NFAT5: variants seen among roughly 807,000 people sequenced by gnomAD.
NFAT5 encodes nuclear factor of activated T cells 5.
NFAT5 carries 31 observed loss-of-function variants against 166.5 expected under a neutral mutation model. That is an observed-to-expected ratio of 0.19 (90% CI 0.14 to 0.25). The LOEUF is 0.25. NFAT5 is among the 10% of genes least tolerant of loss of function. The pLI, the probability that NFAT5 is intolerant of heterozygous loss-of-function variation, is 1.00. For synonymous variants in NFAT5, 612 were observed against 639.7 expected (o/e 0.96, Z 0.65); for missense variants, 1,449 against 1,821.8 (o/e 0.80, Z 3.72).
intron 2 of NFAT5, among the ~76,000 whole-genome samples, chr16:69,581,517 CAA>C: frequency 6.6e-6 from 1 of 152,184 alleles, no homozygotes. Flanking sequence ...AAGAAACTGC[CAA>C]ACTGCTTTCC....
intron 2 of NFAT5, among the ~76,000 whole-genome samples, chr16:69,594,485 A>C (rs896696025): frequency 6.6e-6 from 1 of 152,182 alleles, no homozygotes; most frequent in African/African-American, 2.4e-5. Context: ...ATGTCCCAGC[A>C]CCATTGCTGA....
Position 69,692,819 on chromosome 16 carries a change from C to T in NFAT5, c.2994C>T (p.Thr998=). The change falls in exon 13 of 15, where the codon ACC becomes ACT. Residue 998 remains threonine, a synonymous_variant. Coordinates refer to ENST00000349945, the MANE Select transcript of NFAT5 (RefSeq NM_138713.4). ...TTQQVATPGT[T]MFQTSSSGDG... The stretch of plus-strand genomic sequence containing the variant: ...AGCAGGTTGCAACCCCTGGCACTAC[C>T]ATGTTTCAGACATCAAGTTCAGGAG... 1 of 1,614,178 alleles carries T rather than the reference C, an allele frequency of 6.2e-7. No homozygotes were observed. The highest frequency in any genetic ancestry group is 1.1e-5 in the South Asian group (1 of 91,082).
chr16:69,693,437 T>C lies in NFAT5; in HGVS notation c.3612T>C (p.Ala1204=). ...AACAAGCTGCTTTCCAACAGCAAGC[T>C]CCAATATCACACATCCAGACTCCTA... is the stretch of plus-strand genomic sequence containing the variant. ...SEQQAAFQQQ[A]PISHIQTPML... is the part of the protein sequence containing the mutation. Residue 1204 remains alanine, a synonymous_variant, in exon 13 of 15, where the codon GCT becomes GCC. Coordinates refer to ENST00000349945, the MANE Select transcript of NFAT5 (RefSeq NM_138713.4). 1 of 1,614,018 alleles carries C rather than the reference T, an allele frequency of 6.2e-7. No individual in the cohort carries two copies. Among genetic ancestry groups the C allele is most frequent in the Non-Finnish European group, 8.5e-7 (1 of 1,179,998 alleles).
chr16:69,587,312 G>A (rs977783959), intron 2 of NFAT5, among the ~76,000 whole-genome samples: 3 of 145,216 alleles, frequency 2.1e-5, no homozygotes, highest in Non-Finnish European at 4.5e-5. Context: ...CAACCCTCAG[G>A]TAATCCACCC....
At position 69,700,569 on chromosome 16, in the gene NFAT5, A is replaced by G. The variant is rs957287415; in HGVS notation, c.*4218A>G. 1.3e-5 allele frequency: 2 copies of G among 152,172 alleles called. No homozygotes were observed. The highest frequency in any genetic ancestry group is 4.8e-5 in the African/African-American group (2 of 41,444). The allele number at this position is 152,172 out of a possible 1,614,324, so 9.4% of individuals were successfully genotyped here. On this transcript the variant is annotated 3_prime_UTR_variant, in exon 15 of 15. Coordinates refer to ENST00000349945, the MANE Select transcript of NFAT5 (RefSeq NM_138713.4). ...TTTCACCAGAAATAGTAATCTTACAATTTTTCATTTTTCTGATGAAGATTT... is the reference window on the plus strand; with the variant it reads ...TTTCACCAGAAATAGTAATCTTACAGTTTTTCATTTTTCTGATGAAGATTT...
At chr16:69,664,285 T>C (rs1356118096) in intron 7 of NFAT5, among the ~76,000 whole-genome samples, 2 of 152,148 alleles carry the variant, frequency 1.3e-5, no homozygotes, top group Non-Finnish European at 2.9e-5. Flanking sequence ...TTTTCAACTT[T>C]ATTTATTTAT....
At chr16:69,634,595 A>ATAAT (rs1315410570) in intron 3 of NFAT5, among the ~76,000 whole-genome samples, 2 of 152,204 alleles carry the variant, frequency 1.3e-5, no homozygotes, top group Non-Finnish European at 2.9e-5. Flanking sequence ...TTCTTCCCAT[A>ATAAT]TAATTACAGG....
At chr16:69,575,138 A>G (rs72801312) in intron 2 of NFAT5, among the ~76,000 whole-genome samples, 9,010 of 152,252 alleles carry the variant, frequency 0.059, 289 homozygotes, top group Middle Eastern at 0.11. Context: ...AAAAGTTTCT[A>G]ATAGTGAGCT....
chr16:69,587,114 G>T (rs573732621), intron 2 of NFAT5, among the ~76,000 whole-genome samples: 1 of 152,038 alleles, frequency 6.6e-6, no homozygotes, highest in South Asian at 2.1e-4. Flanking sequence ...ACAAAGTCTC[G>T]CTCTGTAGCC....
At chr16:69,666,598 A>G (rs1293279937) in intron 7 of NFAT5, among the ~76,000 whole-genome samples, 2 of 152,242 alleles carry the variant, frequency 1.3e-5, no homozygotes, top group Non-Finnish European at 2.9e-5. Flanking sequence ...CCATCAGAGA[A>G]ATACAAATCA....
At chr16:69,602,051 T>G (rs2033158194) in intron 2 of NFAT5, among the ~76,000 whole-genome samples, 1 of 152,240 alleles carries the variant, frequency 6.6e-6, no homozygotes, top group Non-Finnish European at 1.5e-5. Context: ...TTGCTCTGCT[T>G]CTTCATTTAG....
intron 2 of NFAT5, among the ~76,000 whole-genome samples, chr16:69,584,235 A>C (rs1308627883): frequency 6.6e-6 from 1 of 152,170 alleles, no homozygotes; most frequent in East Asian, 1.9e-4. Flanking sequence ...CAAAAACAAA[A>C]TAATAATAAT....
In NFAT5 at chr16:69,691,814, C is replaced by G. The variant is rs374964483; in HGVS notation, c.1989C>G (p.Gly663=). 2.9e-5 allele frequency: 47 copies of G among 1,614,014 alleles called. 1 individual carries two copies. In the East Asian group the frequency reaches 3.6e-4, roughly 12 times the overall value. Residue 663 remains glycine (G), a synonymous_variant, in exon 13 of 15, where the codon GGC becomes GGG. Coordinates refer to ENST00000349945, the MANE Select transcript of NFAT5 (RefSeq NM_138713.4). ...ACATCTCAAACATAGCAGGAAATGG[C>G]TCTTTTTCATCACCATCATCTTCCC... ...LENISNIAGN[G]SFSSPSSSHL...
chr16:69,574,131 A>G (rs2016600563), intron 2 of NFAT5, among the ~76,000 whole-genome samples: 1 of 152,094 alleles, frequency 6.6e-6, no homozygotes, highest in East Asian at 1.9e-4. Context: ...TCGGCCCCCC[A>G]AAGTGCTGGG....
intron 7 of NFAT5, among the ~76,000 whole-genome samples, chr16:69,663,009 T>G (rs2036218984): frequency 6.6e-6 from 1 of 152,216 alleles, no homozygotes; most frequent in Non-Finnish European, 1.5e-5. Context: ...TATAAACTTT[T>G]TGGCAGCTTT....
chr16:69,636,442 AC>A (rs1036951132), intron 3 of NFAT5, among the ~76,000 whole-genome samples: 1 of 151,902 alleles, frequency 6.6e-6, no homozygotes, highest in African/African-American at 2.4e-5. Flanking sequence ...GGGGTCTCCA[AC>A]CCCACATTTT....
chr16:69,592,074 CT>C (rs1281013708), intron 2 of NFAT5, among the ~76,000 whole-genome samples: 1 of 102,710 alleles, frequency 9.7e-6, no homozygotes, highest in Admixed American at 1.4e-4. Context: ...ATGATAATTA[CT>C]TTTTCTTTTT....
At position 69,692,429 on chromosome 16, in the gene NFAT5, G is replaced by A. The variant is rs747958041; in HGVS notation, c.2604G>A (p.Glu868=). ...GCCCTGGAATGTTTTCCTCAACAGA[G>A]CCAACAGTCCATACCAGACCAGATA... ...GVSPGMFSST[E]PTVHTRPDNL... The change falls in exon 13 of 15, where the codon GAG becomes GAA. Residue 868 remains glutamate (E), a synonymous_variant. Transcript: ENST00000349945. The A allele has an allele frequency of 6.2e-7, 1 of 1,614,158 alleles. No homozygotes were observed. Among genetic ancestry groups the A allele is most frequent in the Non-Finnish European group, 8.5e-7 (1 of 1,180,034 alleles).
chr16:69,634,277 CAA>C (rs745354566), intron 3 of NFAT5, among the ~76,000 whole-genome samples: 5,091 of 84,846 alleles, frequency 0.06, 104 homozygotes, highest in African/African-American at 0.18. Flanking sequence ...TTCCGACTCA[CAA>C]AAAAAAAAAA....
Sources: gnomAD v4.1 joint callset for allele counts (sites outside exome capture counted in the v4.1 genomes callset) on GRCh38, gnomAD v4.1.1 for gene constraint, MANE v1.5 for transcripts, NCBI Gene and HGNC (gene_info 2026-07-23, HGNC 2026-07-21) for gene names.